Variants in STX7 observed in about 807,000 individuals in gnomAD.
STX7 encodes the protein syntaxin 7.
In STX7, 34 loss-of-function variants were observed where a neutral mutation model predicts 39.6. That is an observed-to-expected ratio of 0.86 (90% CI 0.65 to 1.14). STX7 has a LOEUF of 1.14. STX7 is among the 50% of genes most tolerant of loss of function. The pLI is 0.00. For missense variants in STX7, 284 were observed against 310.4 expected (o/e 0.92, Z 0.64); for synonymous variants, 119 against 99.1 (o/e 1.20, Z -1.19).
At chr6:132,465,097 T>A (rs1253663480) in intron 8 of STX7, among the ~76,000 whole-genome samples, 1 of 152,184 alleles carries the variant, frequency 6.6e-6, no homozygotes, top group Non-Finnish European at 1.5e-5. Flanking sequence ...TTATACATAC[T>A]GGTGACTTCA....
chr6:132,464,156 GTAAGAT>G, intron 8 of STX7, 81 bp from the exon 9 acceptor site: 1 of 1,341,994 alleles, frequency 7.5e-7, no homozygotes, highest in Non-Finnish European at 1.1e-6. Context: ...TTCATTCAAG[GTAAGAT>G]TAAATATGGT....
Position 132,450,025 on chromosome 6 carries a change from T to C in STX7, c.*10733A>G, listed in dbSNP as rs1393754380. The stretch of plus-strand genomic sequence containing the variant: ...AAGCATTCCTGGTTTTATGAAGGAA[T>C]CTTAGGTTCACTTTCTTTACTTTGC... On this transcript the variant is annotated 3_prime_UTR_variant, in exon 10 of 10. Coordinates refer to ENST00000367941, the MANE Select transcript of STX7 (RefSeq NM_003569.3). The C allele has an allele frequency of 6.6e-6, 1 of 152,222 alleles. No individual in the cohort carries two copies. The highest frequency in any genetic ancestry group is 2.4e-5 in the African/African-American group (1 of 41,456). The allele number at this position is 152,222 out of a possible 1,614,324, so 9.4% of individuals were successfully genotyped here. A position where few individuals can be genotyped will look rare whatever the true frequency, so the allele number is the denominator to read the frequency against.
At chr6:132,497,122 A>G (rs1775437818) in intron 2 of STX7, among the ~76,000 whole-genome samples, 1 of 152,198 alleles carries the variant, frequency 6.6e-6, no homozygotes, top group Non-Finnish European at 1.5e-5. Context: ...ACATATAAGA[A>G]TGTTCTGGGA....
At chr6:132,489,408 C>T (rs1329859882) in intron 2 of STX7, among the ~76,000 whole-genome samples, 1 of 151,884 alleles carries the variant, frequency 6.6e-6, no homozygotes, top group Admixed American at 6.6e-5. Context: ...TCAAGAAAAA[C>T]CAAGAAAAGT....
chr6:132,475,334 G>A (rs1298260103), intron 3 of STX7: 1 of 231,606 alleles, frequency 4.3e-6, no homozygotes, highest in African/African-American at 2.3e-5. Context: ...ATATTGGCCA[G>A]GTTGGTCTCG....
intron 1 of STX7, among the ~76,000 whole-genome samples, chr6:132,504,492 G>A (rs1582684626): frequency 1.3e-5 from 2 of 152,148 alleles, no homozygotes; most frequent in South Asian, 2.1e-4. Context: ...ACAGAACTGC[G>A]CACAGCAAAG....
At position 132,460,779 on chromosome 6, in the gene STX7, G is replaced by A; in HGVS notation, c.765C>T (p.Ile255=). The A allele has an allele frequency of 6.2e-7, 1 of 1,613,366 alleles. No individual in the cohort carries two copies. The highest frequency in any genetic ancestry group is 8.5e-7 in the Non-Finnish European group (1 of 1,179,532). The change falls in exon 10 of 10, where the codon ATC becomes ATT. Residue 255 remains isoleucine (I), a synonymous_variant. Coordinates refer to ENST00000367941, the MANE Select transcript of STX7 (RefSeq NM_003569.3). ...AACTTCAGTGGTTCAATCCCCATAT[G>A]ATGAGACTGATAATCGCAACTCCAA... ...LVIGVAIISL[I]IWGLNH
At chr6:132,495,396 G>GA (rs576839966) in intron 2 of STX7, among the ~76,000 whole-genome samples, 79 of 152,136 alleles carry the variant, frequency 5.2e-4, no homozygotes, top group African/African-American at 1.8e-3. Context: ...CTAAGTGGGG[G>GA]AAAAAACCAT....
rs1344600957 is a variant in STX7 at position 132,489,191 on chromosome 6, A to G, written c.86-13529T>C. Among the ~76,000 whole-genome samples the G allele has an allele frequency of 2.4e-5, 3 of 124,758 alleles. No individual in the cohort carries two copies. The Admixed American group carries it at 2.7e-4, about 11-fold the overall frequency. 81.8% of individuals were successfully genotyped at this position (124,758 alleles called of 152,430 possible). A position where few individuals can be genotyped will look rare whatever the true frequency, so the allele number is the denominator to read the frequency against. ...ACTCCAGCCTGGGCAACAGAGTGGG[A>G]CTCTGTCTTAAAAAAAAAAAAAAAA... On this transcript the variant is annotated intron_variant, in intron 2 of 9. Transcript: ENST00000367941.
intron 2 of STX7, among the ~76,000 whole-genome samples, chr6:132,490,465 C>G (rs997271607): frequency 1.3e-5 from 2 of 152,136 alleles, no homozygotes; most frequent in Non-Finnish European, 2.9e-5. Flanking sequence ...TTCTTCCCTC[C>G]TCAAGGCATA....
chr6:132,455,512 A>C lies in STX7; in HGVS notation c.*5246T>G, dbSNP rs1161767949. On this transcript the variant is annotated 3_prime_UTR_variant, in exon 10 of 10. Transcript: ENST00000367941. The stretch of plus-strand genomic sequence containing the variant: ...TCAGTTCTAGAAAACTCCCTCGTCA[A>C]CAAGTAGAGGTGTTGTGCGTGTAAC... 2 of 152,204 alleles carry C rather than the reference A, an allele frequency of 1.3e-5. No individual in the cohort carries two copies. Among genetic ancestry groups the C allele is most frequent in the Non-Finnish European group, 2.9e-5 (2 of 68,026 alleles). 9.4% of individuals were successfully genotyped at this position (152,204 alleles called of 1,614,324 possible). A position where few individuals can be genotyped will look rare whatever the true frequency, so the allele number is the denominator to read the frequency against.
At chr6:132,484,283 A>G (rs1775077434) in intron 2 of STX7, among the ~76,000 whole-genome samples, 1 of 152,170 alleles carries the variant, frequency 6.6e-6, no homozygotes. Flanking sequence ...AAAACAAAAC[A>G]GTGTCCCGTT....
Position 132,470,001 on chromosome 6 carries a change from C to T in STX7, c.487G>A (p.Asp163Asn). ...CTCTCATGAATAAGACGGAGGTCAT[C>T]CTCTGTAATTTCTTCATCCTGCACC... ...VQVQDEEITE[D>N]DLRLIHERES... The change falls in exon 7 of 10, where the codon GAT becomes AAT. Residue 163 changes from aspartate to asparagine, a missense_variant. Coordinates refer to ENST00000367941, the MANE Select transcript of STX7 (RefSeq NM_003569.3). 2 of 1,598,700 alleles carry T rather than the reference C, an allele frequency of 1.3e-6. No homozygotes were observed. Among genetic ancestry groups the T allele is most frequent in the Non-Finnish European group, 1.7e-6 (2 of 1,175,050 alleles).
intron 7 of STX7, 51 bp downstream of exon 7, chr6:132,469,900 C>T: frequency 6.8e-7 from 1 of 1,462,934 alleles, no homozygotes; most frequent in Non-Finnish European, 9.3e-7. Context: ...ATCTTGAGAA[C>T]AAACTCACTA....
In STX7 at chr6:132,450,472, T is replaced by C. The variant is rs1056589467; in HGVS notation, c.*10286A>G. ...TCCAAATCGGTTTCACCAAGTTATG[T>C]GTACTTTATTTATTTAAAGAGACCA... is the stretch of plus-strand genomic sequence containing the variant. On this transcript the variant is annotated 3_prime_UTR_variant, in exon 10 of 10. Transcript: ENST00000367941. 6.6e-6 allele frequency: 1 copy of C among 152,054 alleles called. No homozygotes were observed. The highest frequency in any genetic ancestry group is 6.6e-5 in the Admixed American group (1 of 15,244). The allele number at this position is 152,054 out of a possible 1,614,324, so 9.4% of individuals were successfully genotyped here. A position where few individuals can be genotyped will look rare whatever the true frequency, so the allele number is the denominator to read the frequency against.
chr6:132,512,747 G>A (rs1562345448), intron 1 of STX7, among the ~76,000 whole-genome samples: 1 of 152,144 alleles, frequency 6.6e-6, no homozygotes, highest in Non-Finnish European at 1.5e-5. Flanking sequence ...GCGTGGCTGG[G>A]TAGGCCCACC....
intron 2 of STX7, among the ~76,000 whole-genome samples, chr6:132,499,392 A>C (rs924268066): frequency 4.6e-5 from 7 of 152,192 alleles, no homozygotes; most frequent in African/African-American, 1.7e-4. Flanking sequence ...TCAATGACAT[A>C]AGCAGAGATG....
At position 132,470,078 on chromosome 6, in the gene STX7, C is replaced by T. The variant is rs528113690; in HGVS notation, c.441-31G>A. 9.1e-5 allele frequency: 138 copies of T among 1,510,024 alleles called. 1 individual carries two copies. The South Asian group carries it at 1.7e-3, about 18-fold the overall frequency. The allele number at this position is 1,510,024 out of a possible 1,614,324, so 93.5% of individuals were successfully genotyped here. ...AGAAAAAAATGAATGTGGAAAAAAACAAAGATTGGTATTCAAAACAATGGG... is the reference window on the plus strand; with the variant it reads ...AGAAAAAAATGAATGTGGAAAAAAATAAAGATTGGTATTCAAAACAATGGG... On this transcript the variant is annotated intron_variant, in intron 6 of 9. Coordinates refer to ENST00000367941, the MANE Select transcript of STX7 (RefSeq NM_003569.3).
intron 2 of STX7, among the ~76,000 whole-genome samples, chr6:132,501,470 T>G (rs545447328): frequency 7.2e-5 from 11 of 152,280 alleles, no homozygotes; most frequent in African/African-American, 2.6e-4. Flanking sequence ...CAACCTGCCA[T>G]AAATATTCAA....
Sources: allele counts gnomAD v4.1 joint callset (sites outside exome capture counted in the v4.1 genomes callset), GRCh38; gene constraint gnomAD v4.1.1; transcripts MANE v1.5; gene names NCBI Gene and HGNC (gene_info 2026-07-23, HGNC 2026-07-21).